ITGA8: variants seen among roughly 807,000 people sequenced by gnomAD.
ITGA8 encodes the protein integrin alpha-8.
Under a neutral mutation model 142.3 loss-of-function variants are expected in ITGA8, and 91 were observed. The observed-to-expected ratio is 0.64, with a 90% CI of 0.54 to 0.76. The LOEUF is 0.76. Among genes scored for constraint, ITGA8 ranks in the 30% least tolerant of loss-of-function variants. ITGA8 has a pLI of 0.00. For missense variants in ITGA8, 1,406 were observed against 1,327.7 expected (o/e 1.06, Z -0.92); for synonymous variants, 505 against 485.2 (o/e 1.04, Z -0.54).
chr10:15,575,888 C>T (rs1388107742), intron 23 of ITGA8, among the ~76,000 whole-genome samples: 3 of 151,572 alleles, frequency 2.0e-5, no homozygotes, highest in Non-Finnish European at 4.4e-5. Flanking sequence ...AGATGAATAA[C>T]CAAACTTATA....
chr10:15,537,543 C>T (rs939622625), intron 27 of ITGA8, among the ~76,000 whole-genome samples: 5 of 151,952 alleles, frequency 3.3e-5, no homozygotes, highest in East Asian at 3.9e-4. Context: ...TTGCAGACAC[C>T]GGGTCTTCTT....
intron 8 of ITGA8, among the ~76,000 whole-genome samples, chr10:15,665,391 A>G (rs1834369135): frequency 1.3e-5 from 2 of 151,940 alleles, no homozygotes. Context: ...AATTTGTTTG[A>G]GTTCATTGTA....
rs191848563 is a variant in ITGA8 at position 15,527,163 on chromosome 10, C to A, written c.2982+3887G>T. 2.0e-5 allele frequency among the ~76,000 whole-genome samples: 3 copies of A among 152,234 alleles called. No individual in the cohort carries two copies. In the East Asian group the frequency reaches 5.8e-4, roughly 29 times the overall value. Reference sequence around the variant, plus strand: ...ATAACATGAGGTGTACTAGCTGAGCCCACATTTTGACAACATTTAAACAGT... The same window carrying A: ...ATAACATGAGGTGTACTAGCTGAGCACACATTTTGACAACATTTAAACAGT... On this transcript the variant is annotated intron_variant, in intron 28 of 29. Transcript: ENST00000378076.
intron 23 of ITGA8, among the ~76,000 whole-genome samples, chr10:15,585,461 A>G (rs1458066700): frequency 6.6e-6 from 1 of 152,242 alleles, no homozygotes; most frequent in African/African-American, 2.4e-5. Flanking sequence ...GCACCAGGAC[A>G]GCAGGGCAGG....
In ITGA8 at chr10:15,667,276, T is replaced by C. The variant is rs543731845; in HGVS notation, c.847+4327A>G. On this transcript the variant is annotated intron_variant, in intron 8 of 29. Transcript: ENST00000378076. ...ATGTATGTGTTGAGGAATTTATCCA[T>C]TTCTTCTAGATTGTCTAGTTTATTT... 3.9e-5 allele frequency among the ~76,000 whole-genome samples: 6 copies of C among 152,356 alleles called. No individual in the cohort carries two copies. In the East Asian group the frequency reaches 1.2e-3, roughly 29 times the overall value.
chr10:15,690,450 G>A (rs1245921277), intron 2 of ITGA8, among the ~76,000 whole-genome samples: 1 of 152,156 alleles, frequency 6.6e-6, no homozygotes, highest in South Asian at 2.1e-4. Flanking sequence ...CTACAGGTGA[G>A]TGCTGCAGTC....
intron 18 of ITGA8, 103 bp downstream of exon 18, chr10:15,606,182 A>G (rs1282858575): frequency 1.0e-6 from 1 of 964,824 alleles, no homozygotes; most frequent in Non-Finnish European, 1.5e-6. Flanking sequence ...GTCTGCATGC[A>G]GAAGTAAAAA....
intron 12 of ITGA8, among the ~76,000 whole-genome samples, chr10:15,644,771 G>T (rs1380405100): frequency 1.3e-5 from 2 of 151,354 alleles, no homozygotes; most frequent in East Asian, 3.9e-4. Context: ...ATTATTTGTT[G>T]CCTTTTATCC....
chr10:15,544,603 T>C (rs1384271916), intron 27 of ITGA8, among the ~76,000 whole-genome samples: 1 of 152,238 alleles, frequency 6.6e-6, no homozygotes, highest in Non-Finnish European at 1.5e-5. Context: ...CAGTTTATGC[T>C]TTCAGACAAA....
At position 15,644,116 on chromosome 10, in the gene ITGA8, T is replaced by G. The variant is rs1420779787; in HGVS notation, c.1313A>C (p.Gln438Pro). ...GACAGCATGTGAGGCCCACACTCCT[T>G]GCAGAACTTGGGAAGGCTTGGTGTT... is the stretch of plus-strand genomic sequence containing the variant. Reference protein sequence around the residue: ...GLNTKPSQVLQGVWASHAVPS... With the variant: ...GLNTKPSQVLPGVWASHAVPS... The change falls in exon 13 of 30, where the codon CAA (glutamine) becomes CCA (proline). Residue 438 changes from glutamine to proline, a missense_variant. By Grantham distance (76) the Gln-to-Pro change is moderately conservative. Coordinates refer to ENST00000378076, the MANE Select transcript of ITGA8 (RefSeq NM_003638.3). 1 of 1,614,156 alleles carries G rather than the reference T, an allele frequency of 6.2e-7. No individual in the cohort carries two copies. The highest frequency in any genetic ancestry group is 2.2e-5 in the East Asian group (1 of 44,872).
intron 2 of ITGA8, among the ~76,000 whole-genome samples, chr10:15,713,863 T>A (rs982087452): frequency 2.0e-5 from 3 of 152,148 alleles, no homozygotes; most frequent in African/African-American, 7.2e-5. Flanking sequence ...TTCTTTTCTT[T>A]TTCTTTTTCC....
chr10:15,575,591 C>T lies in ITGA8; in HGVS notation c.2376G>A (p.Val792=), dbSNP rs766761449. Residue 792 remains valine (V), a synonymous_variant, in exon 24 of 30, where the codon GTG becomes GTA. Coordinates refer to ENST00000378076, the MANE Select transcript of ITGA8 (RefSeq NM_003638.3). ...GCAGAACAATCTGCGGAGGGTGTGA[C>T]ACTCTGAAACATGAAATGTCCTGTT... ...TAVAQVEIRG[V]SHPPQIVLPI... 5 of 1,611,702 alleles carry T rather than the reference C, an allele frequency of 3.1e-6. No individual in the cohort carries two copies. The highest frequency in any genetic ancestry group is 1.1e-5 in the South Asian group (1 of 91,024).
chr10:15,606,352 G>GCC lies in ITGA8; in HGVS notation c.1834_1835insGG (p.Thr612ArgfsTer9). 6.2e-7 allele frequency: 1 copy of GCC among 1,611,994 alleles called. No homozygotes were observed. The highest frequency in any genetic ancestry group is 8.5e-7 in the Non-Finnish European group (1 of 1,178,296). On this transcript the variant is annotated frameshift_variant, in exon 18 of 30. Transcript: ENST00000378076. LOFTEE classifies it high-confidence loss of function. ...TTTCACTTCCAGGCCTTCTTTAAAG[G>GCC]TGGATTCGTCCAAACTGTAATTCAA...
At position 15,615,465 on chromosome 10, in the gene ITGA8, C is replaced by T. The variant is rs185836508; in HGVS notation, c.1445+1049G>A. ...CCCAGGTATGCCCTCGGCCTTTTGTCTTGATATCCTGACCTAGTGTCTTGA... is the reference window on the plus strand; with the variant it reads ...CCCAGGTATGCCCTCGGCCTTTTGTTTTGATATCCTGACCTAGTGTCTTGA... On this transcript the variant is annotated intron_variant, in intron 14 of 29. Coordinates refer to ENST00000378076, the MANE Select transcript of ITGA8 (RefSeq NM_003638.3). Among the ~76,000 whole-genome samples, 16 of 152,294 alleles carry T rather than the reference C, an allele frequency of 1.1e-4. No homozygotes were observed. In the East Asian group the frequency reaches 2.1e-3, roughly 20 times the overall value.
At chr10:15,563,369 A>G (rs903899223) in intron 25 of ITGA8, among the ~76,000 whole-genome samples, 3 of 152,208 alleles carry the variant, frequency 2.0e-5, no homozygotes, top group African/African-American at 7.2e-5. Context: ...TGTGGAAATC[A>G]CTAGCTAAAA....
chr10:15,576,081 C>G (rs1317111131), intron 23 of ITGA8, among the ~76,000 whole-genome samples: 1 of 151,846 alleles, frequency 6.6e-6, no homozygotes, highest in African/African-American at 2.4e-5. Context: ...GTTAAATGTC[C>G]AGTTATGAAG....
At chr10:15,649,495 T>A (rs1306113250) in intron 11 of ITGA8, among the ~76,000 whole-genome samples, 1 of 151,090 alleles carries the variant, frequency 6.6e-6, no homozygotes, top group Non-Finnish European at 1.5e-5. Flanking sequence ...CTGGGCATGG[T>A]GGTGGGTGAC....
rs2131601161 is a variant in ITGA8 at position 15,597,194 on chromosome 10, G to T, written c.2211+13C>A. The T allele has an allele frequency of 6.3e-7, 1 of 1,593,374 alleles. No individual in the cohort carries two copies. Among genetic ancestry groups the T allele is most frequent in the Non-Finnish European group, 8.6e-7 (1 of 1,161,110 alleles). Reference sequence around the variant, plus strand: ...TAGAAGGAAATCAGTCAGTATTTCTGGTTCTCTCTTACATTTGTTCCAGAC... The same window carrying T: ...TAGAAGGAAATCAGTCAGTATTTCTTGTTCTCTCTTACATTTGTTCCAGAC... On this transcript the variant is annotated intron_variant, in intron 21 of 29. Transcript: ENST00000378076.
chr10:15,696,379 G>C (rs1176406577), intron 2 of ITGA8, among the ~76,000 whole-genome samples: 1 of 152,090 alleles, frequency 6.6e-6, no homozygotes, highest in Non-Finnish European at 1.5e-5. Context: ...TTCAAGAATA[G>C]GAGGAATATA....
Sources: gnomAD v4.1 joint callset for allele counts (sites outside exome capture counted in the v4.1 genomes callset) on GRCh38, gnomAD v4.1.1 for gene constraint, MANE v1.5 for transcripts, NCBI Gene and HGNC (gene_info 2026-07-23, HGNC 2026-07-21) for gene names.